CTBP1: variants seen among roughly 807,000 people sequenced by gnomAD.
CTBP1 encodes the protein C-terminal-binding protein 1.
Under a neutral mutation model 42.1 loss-of-function variants are expected in CTBP1, and 11 were observed. The ratio of observed to expected loss-of-function variants is 0.26; its 90% CI spans 0.16 to 0.43. CTBP1 has a LOEUF of 0.43. CTBP1 is among the 20% of genes least tolerant of loss of function. The probability of loss-of-function intolerance (pLI) is 1.00; values close to 1 mark genes in which losing one functional copy is unlikely to be tolerated. For synonymous variants in CTBP1, 324 were observed against 277.1 expected (o/e 1.17, Z -1.68); for missense variants, 399 against 624.3 (o/e 0.64, Z 3.85).
chr4:1,216,425 G>C, intron 5 of CTBP1: 1 of 603,500 alleles, frequency 1.7e-6, no homozygotes, highest in Non-Finnish European at 2.9e-6. Flanking sequence ...CACAGGGGTG[G>C]AAAGGGTACA....
chr4:1,249,258 G>GGGCGGGAGCCT (rs936042646), upstream of CTBP1: 2 of 148,828 alleles, frequency 1.3e-5, no homozygotes, highest in African/African-American at 4.9e-5. Flanking sequence ...GGGCGGGGCG[G>GGGCGGGAGCCT]GGCGGGAGCC....
chr4:1,231,031 G>T (rs1270075585), intron 3 of CTBP1: 1 of 152,272 alleles, frequency 6.6e-6, no homozygotes, highest in Non-Finnish European at 1.5e-5. Flanking sequence ...TAACAACATA[G>T]TATTAGGTGA....
chr4:1,247,389 G>A (rs1003589851), intron 1 of CTBP1, among the ~76,000 whole-genome samples: 4 of 152,128 alleles, frequency 2.6e-5, no homozygotes, highest in Non-Finnish European at 4.4e-5. Flanking sequence ...AGCAAAAGGC[G>A]TCTGCGGAGC....
chr4:1,224,256 ATG>A lies in CTBP1; in HGVS notation c.514+1102_514+1103del, dbSNP rs376751531. 4.8e-3 allele frequency among the ~76,000 whole-genome samples: 735 copies of A among 152,196 alleles called. 3 individuals carry two copies. Among genetic ancestry groups the A allele is most frequent in the African/African-American group, 0.016 (676 of 41,542 alleles). On this transcript the variant is annotated intron_variant, in intron 5 of 9. Transcript: ENST00000382952. ...TCCATGTGTGGTGCCCATGTGTGCC[ATG>A]TGATACCCGTGTGTGTGTGCTGTGA... is the stretch of plus-strand genomic sequence containing the variant.
chr4:1,213,177 G>T, intron 8 of CTBP1, 147 bp from the exon 9 acceptor site: 1 of 780,236 alleles, frequency 1.3e-6, no homozygotes, highest in Non-Finnish European at 2.1e-6. Flanking sequence ...GCAGGGTCCT[G>T]TCTCTCTGGG....
At chr4:1,224,371 C>T (rs753594535) in intron 5 of CTBP1, among the ~76,000 whole-genome samples, 11 of 151,308 alleles carry the variant, frequency 7.3e-5, no homozygotes, top group Non-Finnish European at 1.6e-4. Flanking sequence ...CTGTGATGTC[C>T]GTGTGATGTC....
intron 5 of CTBP1, among the ~76,000 whole-genome samples, chr4:1,219,496 G>A (rs1455314244): frequency 2.0e-5 from 3 of 152,180 alleles, no homozygotes; most frequent in Admixed American, 6.5e-5. Context: ...AACAGGAAAC[G>A]TCCTACTTAA....
At position 1,233,780 on chromosome 4, in the gene CTBP1, C is replaced by T. The variant is rs1453869356; in HGVS notation, c.162+4403G>A. 6.6e-6 allele frequency among the ~76,000 whole-genome samples: 1 copy of T among 152,228 alleles called. No individual in the cohort carries two copies. The highest frequency in any genetic ancestry group is 1.5e-5 in the Non-Finnish European group (1 of 68,026). ...GGTATCACGTTCTCTCCCTCCACGG[C>T]ACTCAGACGGCGGCGACCTCCAACC... On this transcript the variant is annotated intron_variant, in intron 3 of 9. Coordinates refer to ENST00000382952, the MANE Select transcript of CTBP1 (RefSeq NM_001012614.2). This position sits in a 1 kb window ranked among gnomAD's most constrained non-coding sequence, Gnocchi z 4.6.
At chr4:1,243,293 C>T (rs1332008816) in intron 1 of CTBP1, 4 of 985,300 alleles carry the variant, frequency 4.1e-6, no homozygotes, top group Non-Finnish European at 4.8e-6. Context: ...CCACCCTGGC[C>T]CTCCTGAAAG....
chr4:1,223,744 G>C (rs1470883383), intron 5 of CTBP1, among the ~76,000 whole-genome samples: 1 of 152,108 alleles, frequency 6.6e-6, no homozygotes, highest in Non-Finnish European at 1.5e-5. Context: ...TCCCTCACGG[G>C]GCCCCTCACC....
chr4:1,236,398 G>C, intron 3 of CTBP1: 2 of 536,500 alleles, frequency 3.7e-6, no homozygotes, highest in South Asian at 4.6e-5. Context: ...TGCCGAGACC[G>C]CCCGTGTGAA....
intron 4 of CTBP1, among the ~76,000 whole-genome samples, chr4:1,226,378 G>A (rs1202642483): frequency 1.3e-5 from 2 of 152,148 alleles, no homozygotes; most frequent in African/African-American, 4.8e-5. Context: ...GCCAGGACAG[G>A]GCTGCATTCA....
upstream of CTBP1, chr4:1,249,829 T>C (rs3755920): frequency 0.53 from 109,227 of 207,954 alleles, 29,545 homozygotes; most frequent in East Asian, 0.71. Flanking sequence ...GGTTTGTAGC[T>C]AACCAACGTC....
chr4:1,212,940 T>G lies in CTBP1; in HGVS notation c.1079A>C (p.His360Pro). The G allele has an allele frequency of 1.2e-6, 2 of 1,613,662 alleles. No individual in the cohort carries two copies. The highest frequency in any genetic ancestry group is 1.7e-6 in the Non-Finnish European group (2 of 1,179,984). The change falls in exon 9 of 10, where the codon CAC becomes CCC. Residue 360 changes from histidine to proline, a missense_variant. By Grantham distance (77) the His-to-Pro change is moderately conservative. Coordinates refer to ENST00000382952, the MANE Select transcript of CTBP1 (RefSeq NM_001012614.2). ...HWASMDPAVVHPELNGAAYRY... is the reference protein window; with the variant it reads ...HWASMDPAVVPPELNGAAYRY... ...ATAGGCAGCCCCATTGAGCTCAGGG[T>G]GCACGACGGCGGGGTCCATGCTGGC...
intron 1 of CTBP1, chr4:1,243,769 G>C (rs1313751926): frequency 2.0e-6 from 2 of 985,334 alleles, no homozygotes; most frequent in Admixed American, 6.1e-5. Flanking sequence ...CCGAGGTGAA[G>C]GCACACGGCT....
chr4:1,228,426 G>A, intron 3 of CTBP1, 83 bp from the exon 4 acceptor site: 1 of 1,518,546 alleles, frequency 6.6e-7, no homozygotes. Context: ...GCCCCGGCTG[G>A]GAAATTAGCC....
At chr4:1,218,751 C>T (rs1560236698) in intron 5 of CTBP1, among the ~76,000 whole-genome samples, 1 of 152,126 alleles carries the variant, frequency 6.6e-6, no homozygotes, top group Non-Finnish European at 1.5e-5. Flanking sequence ...GTTATGAAGG[C>T]GTATCCTAAT....
At chr4:1,239,279 G>A (rs1386270541) in intron 2 of CTBP1, among the ~76,000 whole-genome samples, 1 of 152,198 alleles carries the variant, frequency 6.6e-6, no homozygotes, top group African/African-American at 2.4e-5. Context: ...GGAGCACCAG[G>A]TGGGGCCACT....
rs186239776 is a variant in CTBP1 at position 1,212,444 on chromosome 4, C to T, written c.1107-21G>A. The stretch of plus-strand genomic sequence containing the variant: ...GGTACCTGCTGGGAGAGGGTCCATC[C>T]GTGAGGCCCACCTGTAGGCGGCCTG... On this transcript the variant is annotated intron_variant, in intron 9 of 9. Coordinates refer to ENST00000382952, the MANE Select transcript of CTBP1 (RefSeq NM_001012614.2). 1.3e-3 allele frequency: 1,863 copies of T among 1,421,366 alleles called. 10 individuals carry two copies. The highest frequency in any genetic ancestry group is 1.0e-3 in the Non-Finnish European group (1,131 of 1,089,304). The allele number at this position is 1,421,366 out of a possible 1,614,324, so 88.0% of individuals were successfully genotyped here.
Sources: gnomAD v4.1 joint callset for allele counts (sites outside exome capture counted in the v4.1 genomes callset) on GRCh38, gnomAD v4.1.1 for gene constraint, Gnocchi (gnomAD v3.1) non-coding constraint, MANE v1.5 for transcripts, NCBI Gene and HGNC (gene_info 2026-07-23, HGNC 2026-07-21) for gene names.